FER1L6: variants seen among roughly 807,000 people sequenced by gnomAD.
FER1L6 encodes fer-1 like family member 6, also known as fer-1-like protein 6.
Under a neutral mutation model 219.2 loss-of-function variants are expected in FER1L6, and 177 were observed. That is an observed-to-expected ratio of 0.81 (90% CI 0.71 to 0.91). FER1L6 has a LOEUF of 0.91. Among genes scored for constraint, FER1L6 ranks in the 40% least tolerant of loss-of-function variants. FER1L6 has a pLI of 0.00. For synonymous variants in FER1L6, 768 were observed against 824.3 expected (o/e 0.93, Z 1.17); for missense variants, 2,153 against 2,259.9 (o/e 0.95, Z 0.96).
intron 11 of FER1L6, among the ~76,000 whole-genome samples, chr8:123,983,260 T>C (rs910670764): frequency 3.3e-5 from 5 of 152,028 alleles, no homozygotes; most frequent in African/African-American, 1.2e-4. Context: ...ATCTGGACAG[T>C]TGAGAGGTCC....
intron 22 of FER1L6, 83 bp downstream of exon 22, chr8:124,049,839 A>C (rs1039934465): frequency 1.4e-5 from 19 of 1,403,136 alleles, no homozygotes; most frequent in Non-Finnish European, 1.7e-5. Flanking sequence ...ACTTCAATGA[A>C]GCTGTGCCTG....
At chr8:124,095,201 G>A (rs530649440) in intron 35 of FER1L6, among the ~76,000 whole-genome samples, 163 bp downstream of exon 35, 1 of 152,268 alleles carries the variant, frequency 6.6e-6, no homozygotes, top group Non-Finnish European at 1.5e-5. Flanking sequence ...GCATATAGTG[G>A]GTAGAGGCCA....
At chr8:123,932,203 A>G (rs1813797968) in intron 1 of FER1L6, among the ~76,000 whole-genome samples, 1 of 151,944 alleles carries the variant, frequency 6.6e-6, no homozygotes, top group South Asian at 2.1e-4. Flanking sequence ...CTGCCTCCTG[A>G]GTTCATGCGA....
intron 1 of FER1L6, among the ~76,000 whole-genome samples, chr8:123,948,033 G>A (rs564784518): frequency 6.6e-6 from 1 of 152,284 alleles, no homozygotes; most frequent in African/African-American, 2.4e-5. Flanking sequence ...GTGAACTGAG[G>A]CTATAGTGTG....
intron 15 of FER1L6, chr8:124,013,830 T>C (rs1278719893): frequency 5.6e-6 from 1 of 177,088 alleles, no homozygotes; most frequent in Non-Finnish European, 1.2e-5. Flanking sequence ...GTGCTGTGCA[T>C]GTGGTAGACA....
At chr8:124,007,307 C>A (rs575646727) in intron 13 of FER1L6, among the ~76,000 whole-genome samples, 1 of 152,040 alleles carries the variant, frequency 6.6e-6, no homozygotes, top group Non-Finnish European at 1.5e-5. Flanking sequence ...CCTCTCCCCC[C>A]CCTACCTTCT....
chr8:123,966,480 A>G (rs1254688744), intron 5 of FER1L6, among the ~76,000 whole-genome samples, 190 bp downstream of exon 5: 1 of 152,212 alleles, frequency 6.6e-6, no homozygotes, highest in Non-Finnish European at 1.5e-5. Flanking sequence ...GTAGTGGAAA[A>G]GAGAGGCGAG....
At chr8:124,115,300 T>C (rs1299560688) in intron 39 of FER1L6, among the ~76,000 whole-genome samples, 1 of 151,834 alleles carries the variant, frequency 6.6e-6, no homozygotes, top group East Asian at 1.9e-4. Context: ...CTGAGCTGAA[T>C]GCTGATGGTT....
At chr8:123,943,154 A>G (rs556678171) in intron 1 of FER1L6, among the ~76,000 whole-genome samples, 1 of 152,362 alleles carries the variant, frequency 6.6e-6, no homozygotes, top group East Asian at 1.9e-4. Flanking sequence ...AAAGGTAGCT[A>G]GAACTTACCA....
intron 33 of FER1L6, among the ~76,000 whole-genome samples, chr8:124,089,393 G>A (rs1434399645): frequency 6.6e-6 from 1 of 152,194 alleles, no homozygotes. Flanking sequence ...AATGGGGGAG[G>A]AGTGGCATAG....
chr8:123,968,629 C>A lies in FER1L6; in HGVS notation c.385-1406C>A, dbSNP rs530206012. Among the ~76,000 whole-genome samples, 9 of 152,270 alleles carry A rather than the reference C, an allele frequency of 5.9e-5. No individual in the cohort carries two copies. In the South Asian group the frequency reaches 1.9e-3, roughly 32 times the overall value. On this transcript the variant is annotated intron_variant, in intron 5 of 40. Coordinates refer to ENST00000522917, the MANE Select transcript of FER1L6 (RefSeq NM_001039112.2). ...GAATTTTCCACATAAATTTTGAACA[C>A]CAGGACTCTGAAAAAGTTTAAGCAT... is the stretch of plus-strand genomic sequence containing the variant.
intron 1 of FER1L6, among the ~76,000 whole-genome samples, chr8:123,867,213 C>G (rs927726919): frequency 6.6e-6 from 1 of 152,136 alleles, no homozygotes; most frequent in African/African-American, 2.4e-5. Flanking sequence ...ATGTTTAAGT[C>G]TTTTATTCAT....
intron 12 of FER1L6, among the ~76,000 whole-genome samples, chr8:123,987,020 T>A (rs995657573): frequency 6.6e-6 from 1 of 152,234 alleles, no homozygotes; most frequent in Non-Finnish European, 1.5e-5. Flanking sequence ...TTCCTTTCTT[T>A]TGGATATACA....
intron 1 of FER1L6, among the ~76,000 whole-genome samples, chr8:123,942,441 CTGCCTTGGCCATG>C (rs1814278507): frequency 6.6e-6 from 1 of 152,242 alleles, no homozygotes; most frequent in Non-Finnish European, 1.5e-5. Context: ...TTTCCTGGGA[CTGCCTTGGCCATG>C]TGCCACAAAC....
intron 38 of FER1L6, among the ~76,000 whole-genome samples, chr8:124,102,356 G>A (rs1822582155): frequency 6.6e-6 from 1 of 152,122 alleles, no homozygotes; most frequent in East Asian, 1.9e-4. Context: ...AAGTTGTACA[G>A]GATACATTAA....
intron 7 of FER1L6, 107 bp downstream of exon 7, chr8:123,973,619 C>A: frequency 1.2e-6 from 1 of 818,632 alleles, no homozygotes; most frequent in Non-Finnish European, 2.2e-6. Context: ...TTCAATAACA[C>A]TGAGCACCAG....
At chr8:123,878,918 G>A (rs1817058237) in intron 1 of FER1L6, among the ~76,000 whole-genome samples, 1 of 152,212 alleles carries the variant, frequency 6.6e-6, no homozygotes, top group Non-Finnish European at 1.5e-5. Context: ...TCCATGGCCT[G>A]TGCTAGGCTC....
chr8:124,023,550 G>C lies in FER1L6; in HGVS notation c.2240G>C (p.Gly747Ala). 6.2e-7 allele frequency: 1 copy of C among 1,614,094 alleles called. No homozygotes were observed. Among genetic ancestry groups the C allele is most frequent in the East Asian group, 2.2e-5 (1 of 44,870 alleles). ...SKDLLYSPVA[G>A]QMGKHCGKIK... ...GACCTCCTCTATTCCCCTGTCGCGG[G>C]GCAGATGGGCAAACACTGCGGCAAG... is the stretch of plus-strand genomic sequence containing the variant. The change falls in exon 18 of 41, where the codon GGG becomes GCG. Residue 747 changes from glycine to alanine, a missense_variant. Transcript: ENST00000522917.
At chr8:123,878,017 A>G (rs546004822) in intron 1 of FER1L6, among the ~76,000 whole-genome samples, 1 of 152,164 alleles carries the variant, frequency 6.6e-6, no homozygotes, top group African/African-American at 2.4e-5. Flanking sequence ...TTAACGTTCT[A>G]TTCTAATAAA....
Sources: allele counts gnomAD v4.1 joint callset (sites outside exome capture counted in the v4.1 genomes callset), GRCh38; gene constraint gnomAD v4.1.1; transcripts MANE v1.5; gene names NCBI Gene and HGNC (gene_info 2026-07-23, HGNC 2026-07-21).